OTOF: variants seen among roughly 807,000 people sequenced by gnomAD.
OTOF encodes otoferlin.
A neutral mutation model predicts 236.8 loss-of-function variants in OTOF; 218 were observed. That is an observed-to-expected ratio of 0.92 (90% CI 0.82 to 1.03). The LOEUF (loss-of-function observed/expected upper bound fraction) is 1.03. Among genes scored for constraint, OTOF ranks in the 50% least tolerant of loss-of-function variants. OTOF has a pLI of 0.00. For missense variants in OTOF, 2,590 were observed against 2,694.4 expected, an observed-to-expected ratio of 0.96 and a Z score of 0.86; for synonymous variants, 1,041 against 1,072.5, an observed-to-expected ratio of 0.97 and a Z score of 0.57.
intron 9 of OTOF, among the ~76,000 whole-genome samples, chr2:26,494,555 T>C (rs1665928395): frequency 6.6e-6 from 1 of 151,942 alleles, no homozygotes; most frequent in Admixed American, 6.6e-5. Flanking sequence ...TAGAAAGTGC[T>C]TACTAATGGT....
rs147510450 is a variant in OTOF at position 26,458,162 on chromosome 2, T to C, written c.*76A>G. On this transcript the variant is annotated 3_prime_UTR_variant, in exon 47 of 47. Transcript: ENST00000272371. ...ATGAGCCACTTGTACCGGGTGCAGA[T>C]GAGGTACTTGATGGACTTGAGAGGG... The C allele has an allele frequency of 9.3e-6, 15 of 1,613,378 alleles. No individual in the cohort carries two copies. In the African/African-American group the frequency reaches 1.9e-4, roughly 20 times the overall value.
intron 1 of OTOF, among the ~76,000 whole-genome samples, chr2:26,548,467 G>A (rs531832816): frequency 1.1e-4 from 16 of 151,968 alleles, no homozygotes; most frequent in African/African-American, 2.7e-4. Context: ...CTCCATACCC[G>A]TGAGCAGTCA....
At chr2:26,528,259 G>A (rs1666859022) in intron 2 of OTOF, among the ~76,000 whole-genome samples, 1 of 152,218 alleles carries the variant, frequency 6.6e-6, no homozygotes, top group Non-Finnish European at 1.5e-5. Flanking sequence ...CCTGAGGGGG[G>A]TTGGGAGAGG....
intron 1 of OTOF, among the ~76,000 whole-genome samples, chr2:26,545,255 C>T (rs2177126): frequency 0.94 from 142,647 of 152,240 alleles, 66,864 homozygotes; most frequent in East Asian, 0.98. Context: ...TCTAATGACT[C>T]AGGATGTTGA....
chr2:26,499,225 T>C lies in OTOF; in HGVS notation c.765+2529A>G, dbSNP rs1222627862. Among the ~76,000 whole-genome samples the C allele has an allele frequency of 4.6e-5, 7 of 152,224 alleles. No homozygotes were observed. In the East Asian group the frequency reaches 1.2e-3, roughly 25 times the overall value. On this transcript the variant is annotated intron_variant, in intron 8 of 46. Transcript: ENST00000272371. ...TGACTGTGGTTTCTTGCCTTGGAGA[T>C]GGCAATAATCAGGAAAGAGTTTACA...
At chr2:26,496,586 A>G (rs1239256881) in intron 8 of OTOF, among the ~76,000 whole-genome samples, 1 of 152,076 alleles carries the variant, frequency 6.6e-6, no homozygotes, top group Non-Finnish European at 1.5e-5. Context: ...AGAGAGAGAG[A>G]CAGAGAGAGA....
chr2:26,510,634 A>G (rs372626313), intron 5 of OTOF: 9 of 1,054,462 alleles, frequency 8.5e-6, no homozygotes, highest in African/African-American at 1.6e-5. Flanking sequence ...CCCGCCCTCC[A>G]CAGCCTGTGG....
At chr2:26,459,479 G>A (rs1393223730) in intron 46 of OTOF, among the ~76,000 whole-genome samples, 1 of 151,470 alleles carries the variant, frequency 6.6e-6, no homozygotes, top group Non-Finnish European at 1.5e-5. Flanking sequence ...GTGAACCCGG[G>A]AGGCGGAGCT....
intron 2 of OTOF, among the ~76,000 whole-genome samples, chr2:26,535,394 C>G (rs746209098): frequency 5.9e-5 from 9 of 152,154 alleles, no homozygotes; most frequent in Non-Finnish European, 1.2e-4. Context: ...AGTGCTGCTG[C>G]TGGGGCTGCC....
chr2:26,489,799 G>T, intron 9 of OTOF, 59 bp from the exon 10 acceptor site: 1 of 1,332,598 alleles, frequency 7.5e-7, no homozygotes, highest in Non-Finnish European at 1.1e-6. Flanking sequence ...AGCCCAGGCA[G>T]TGTTGGGCCC....
In OTOF at chr2:26,501,776, G is replaced by A; in HGVS notation, c.743C>T (p.Ala248Val). The change falls in exon 8 of 47, where the codon GCT becomes GTT. Residue 248 changes from alanine to valine, a missense_variant. Physicochemically the swap from Ala to Val is moderately conservative, Grantham distance 64. Coordinates refer to ENST00000272371, the MANE Select transcript of OTOF (RefSeq NM_194248.3). The stretch of plus-strand genomic sequence containing the variant: ...TACCTGGTAATCCATGGGCCGCCCA[G>A]CACTTGGCTCCATCTTAATGTCTGG... ...SKPDIKMEPS[A>V]GRPMDYQVSI... The A allele has an allele frequency of 6.2e-7, 1 of 1,613,852 alleles. No individual in the cohort carries two copies. The highest frequency in any genetic ancestry group is 8.5e-7 in the Non-Finnish European group (1 of 1,179,724).
rs1216822678 is a variant in OTOF, at chr2:26,558,636, G to A, written c.-65C>T. The A allele has an allele frequency of 1.7e-5, 23 of 1,345,854 alleles. No homozygotes were observed. Among genetic ancestry groups the A allele is most frequent in the East Asian group, 2.3e-5 (1 of 43,410 alleles). The allele number at this position is 1,345,854 out of a possible 1,614,324, so 83.4% of individuals were successfully genotyped here. A position where few individuals can be genotyped will look rare whatever the true frequency, so the allele number is the denominator to read the frequency against. On this transcript the variant is annotated 5_prime_UTR_variant, in exon 1 of 47. Transcript: ENST00000272371. ...GGGAAGGAGCTAGCCGGTGGAGCACGGCTCACACGCCTCTCTCTTCTCTGC... is the reference window on the plus strand; with the variant it reads ...GGGAAGGAGCTAGCCGGTGGAGCACAGCTCACACGCCTCTCTCTTCTCTGC...
At chr2:26,495,985 C>G (rs1665973755) in intron 8 of OTOF, among the ~76,000 whole-genome samples, 1 of 152,120 alleles carries the variant, frequency 6.6e-6, no homozygotes, top group South Asian at 2.1e-4. Flanking sequence ...TGCTGAATTT[C>G]TTTGTTTGTA....
intron 1 of OTOF, among the ~76,000 whole-genome samples, chr2:26,546,748 G>GTT (rs35627471): frequency 0.01 from 1,482 of 142,116 alleles, 7 homozygotes; most frequent in Admixed American, 0.022. Context: ...TACATGTTTG[G>GTT]TTTTTTTTTT....
At chr2:26,485,865 G>A (rs1178743055) in intron 11 of OTOF, among the ~76,000 whole-genome samples, 6 of 152,218 alleles carry the variant, frequency 3.9e-5, no homozygotes, top group Non-Finnish European at 7.3e-5. Context: ...AGCAAGGTGA[G>A]AGGGCAGGAA....
chr2:26,495,850 A>G (rs1468402694), intron 8 of OTOF, among the ~76,000 whole-genome samples: 1 of 152,202 alleles, frequency 6.6e-6, no homozygotes, highest in Non-Finnish European at 1.5e-5. Flanking sequence ...CTCAGGAATA[A>G]AGCTTTCAAA....
intron 5 of OTOF, chr2:26,510,689 C>T (rs755682658): frequency 2.0e-5 from 26 of 1,287,800 alleles, no homozygotes; most frequent in African/African-American, 3.0e-5. Flanking sequence ...CGTCTGCCCT[C>T]GCCTGGGACA....
chr2:26,491,866 C>G (rs1038098436), intron 9 of OTOF, among the ~76,000 whole-genome samples: 1 of 152,226 alleles, frequency 6.6e-6, no homozygotes, highest in South Asian at 2.1e-4. Flanking sequence ...GCCAGAATCC[C>G]GAACTCTCTG....
rs149236286 is a variant in OTOF at position 26,467,129 on chromosome 2, G to T, written c.4332C>A (p.Thr1444=). The T allele has an allele frequency of 4.3e-6, 7 of 1,613,798 alleles. No individual in the cohort carries two copies. In the Admixed American group the frequency reaches 1.2e-4, roughly 27 times the overall value. The change falls in exon 35 of 47, where the codon ACC becomes ACA. Residue 1444 remains threonine (T), a synonymous_variant. Coordinates refer to ENST00000272371, the MANE Select transcript of OTOF (RefSeq NM_194248.3). ...AGCGTCCCACAATGCGCTCCTCCTCGGTGGAGCCATCCTCATCATCCCCGG... is the reference window on the plus strand; with the variant it reads ...AGCGTCCCACAATGCGCTCCTCCTCTGTGGAGCCATCCTCATCATCCCCGG... ...GKTGDDEDGS[T]EEERIVGRFK...
Sources: allele counts gnomAD v4.1 joint callset (sites outside exome capture counted in the v4.1 genomes callset), GRCh38; gene constraint gnomAD v4.1.1; transcripts MANE v1.5; gene names NCBI Gene and HGNC (gene_info 2026-07-23, HGNC 2026-07-21).